The following ARMC2 variants were observed in gnomAD, a reference collection of about 807,000 sequenced individuals.
ARMC2 encodes armadillo repeat-containing protein 2.
ARMC2 carries 67 observed loss-of-function variants against 90.3 expected under a neutral mutation model. The observed-to-expected ratio is 0.74, with a 90% CI of 0.61 to 0.91. The LOEUF (loss-of-function observed/expected upper bound fraction) is 0.91. ARMC2 is among the 40% of genes least tolerant of loss of function. The pLI is 0.00. For missense variants in ARMC2, 920 were observed against 1,030.9 expected, an observed-to-expected ratio of 0.89 and a Z score of 1.47; for synonymous variants, 393 against 393.0, an observed-to-expected ratio of 1.00 and a Z score of 0.00.
the ARMC2 span, among the ~76,000 whole-genome samples, chr6:109,024,954 A>AGGTG: frequency 6.6e-6 from 1 of 152,196 alleles, no homozygotes; most frequent in African/African-American, 2.4e-5. Flanking sequence ...AAGTAACAGA[A>AGGTG]ATCCTCAGAA....
chr6:109,028,506 T>C, the ARMC2 span, among the ~76,000 whole-genome samples: 1 of 152,190 alleles, frequency 6.6e-6, no homozygotes, highest in Non-Finnish European at 1.5e-5. Context: ...GATGAGTTTC[T>C]ACTATATTAA....
At chr6:109,001,751 A>G in the ARMC2 span, among the ~76,000 whole-genome samples, 289 of 152,330 alleles carry the variant, frequency 1.9e-3, no homozygotes, top group African/African-American at 6.7e-3. Flanking sequence ...GAATCCAGAT[A>G]AAGAAGCAGA....
At chr6:108,932,749 C>T (rs1775674787) in intron 11 of ARMC2, among the ~76,000 whole-genome samples, 1 of 151,766 alleles carries the variant, frequency 6.6e-6, no homozygotes, top group African/African-American at 2.4e-5. Flanking sequence ...AGGATGGTCT[C>T]GATCTCCTGA....
At chr6:109,043,811 A>G in the ARMC2 span, among the ~76,000 whole-genome samples, 9 of 152,222 alleles carry the variant, frequency 5.9e-5, no homozygotes, top group African/African-American at 2.2e-4. Flanking sequence ...TAATCTTGGC[A>G]AGCTATTTTG....
Position 108,953,139 on chromosome 6 carries a change from C to T in ARMC2, c.1703C>T (p.Ser568Leu). ...KEKGSIQTLL[S>L]LFQTFHQLDL... The stretch of plus-strand genomic sequence containing the variant: ...AAAGGGAGCATCCAAACTCTGCTGT[C>T]ATTATTCCAGACGTTCCATCAGCTG... Residue 568 changes from serine to leucine, a missense_variant, in exon 13 of 18, where the codon TCA becomes TTA. Transcript: ENST00000392644. The T allele has an allele frequency of 6.2e-7, 1 of 1,614,058 alleles. No homozygotes were observed. The highest frequency in any genetic ancestry group is 8.5e-7 in the Non-Finnish European group (1 of 1,179,908).
the ARMC2 span, among the ~76,000 whole-genome samples, chr6:109,026,584 C>A: frequency 9.9e-5 from 15 of 152,180 alleles, no homozygotes; most frequent in South Asian, 3.1e-3. Context: ...GCAACCTTCT[C>A]CGCCTCCCAG....
intron 7 of ARMC2, among the ~76,000 whole-genome samples, chr6:108,903,771 C>T (rs1192907605): frequency 6.6e-6 from 1 of 152,116 alleles, no homozygotes; most frequent in Non-Finnish European, 1.5e-5. Context: ...GCAGCTACAA[C>T]ATAAACAGAG....
the ARMC2 span, chr6:109,000,553 A>G: frequency 1.2e-6 from 2 of 1,611,414 alleles, no homozygotes; most frequent in South Asian, 2.2e-5. Flanking sequence ...AGTTCTCCTA[A>G]ATTCTGTAGT....
chr6:109,039,433 T>C, the ARMC2 span, among the ~76,000 whole-genome samples: 3 of 152,366 alleles, frequency 2.0e-5, no homozygotes, highest in South Asian at 2.1e-4. Context: ...AGTATCATCA[T>C]TGTATTTCAC....
At chr6:108,955,804 G>A (rs1334141749) in intron 13 of ARMC2, among the ~76,000 whole-genome samples, 1 of 152,208 alleles carries the variant, frequency 6.6e-6, no homozygotes, top group Admixed American at 6.5e-5. Context: ...GCATGCCCAT[G>A]TCTGCTGAAG....
intron 10 of ARMC2, 145 bp downstream of exon 10, chr6:108,912,703 C>T: frequency 1.4e-6 from 1 of 700,854 alleles, no homozygotes; most frequent in South Asian, 1.9e-5. Flanking sequence ...AGCCCACCTC[C>T]ACCCCATGAG....
At chr6:108,879,112 T>TCATC (rs982015100) in intron 5 of ARMC2, among the ~76,000 whole-genome samples, 10 of 148,148 alleles carry the variant, frequency 6.8e-5, no homozygotes, top group South Asian at 4.4e-4. Context: ...ACCCATCCAT[T>TCATC]CATCCATCCA....
intron 4 of ARMC2, among the ~76,000 whole-genome samples, chr6:108,869,600 AGTT>A (rs1776185112): frequency 6.6e-6 from 1 of 152,248 alleles, no homozygotes; most frequent in African/African-American, 2.4e-5. Flanking sequence ...GAGTTCAAAA[AGTT>A]GTTAATTTTA....
chr6:109,009,469 G>A, the ARMC2 span: 4 of 1,268,502 alleles, frequency 3.2e-6, no homozygotes, highest in African/African-American at 4.7e-5. Flanking sequence ...ATGTCGGCGC[G>A]GGGACGGCTG....
chr6:108,890,016 G>A (rs1166453294), intron 5 of ARMC2, among the ~76,000 whole-genome samples: 3 of 148,574 alleles, frequency 2.0e-5, no homozygotes, highest in African/African-American at 5.0e-5. Flanking sequence ...GTGAAACCCC[G>A]TCTCTACTAA....
intron 10 of ARMC2, 88 bp downstream of exon 10, chr6:108,912,646 C>G (rs1462966347): frequency 3.3e-6 from 4 of 1,229,512 alleles, no homozygotes; most frequent in East Asian, 4.8e-5. Flanking sequence ...ATGCAAGAGG[C>G]CCCTACAGCC....
the ARMC2 span, among the ~76,000 whole-genome samples, chr6:109,040,626 G>C: frequency 6.7e-6 from 1 of 150,028 alleles, no homozygotes; most frequent in African/African-American, 2.5e-5. Context: ...CAAATGAACT[G>C]TTAAACATAT....
intron 8 of ARMC2, among the ~76,000 whole-genome samples, chr6:108,908,596 A>T (rs1773055439): frequency 1.3e-5 from 2 of 151,728 alleles, no homozygotes; most frequent in Non-Finnish European, 2.9e-5. Flanking sequence ...AATGTTGAAA[A>T]AATTAGCCAG....
the ARMC2 span, among the ~76,000 whole-genome samples, chr6:109,036,590 G>T: frequency 1.3e-5 from 2 of 152,174 alleles, no homozygotes; most frequent in African/African-American, 4.8e-5. Flanking sequence ...ACTGTGACAA[G>T]TAGTTCTTAA....
Sources: allele counts gnomAD v4.1 joint callset (sites outside exome capture counted in the v4.1 genomes callset), GRCh38; gene constraint gnomAD v4.1.1; transcripts MANE v1.5; gene names NCBI Gene and HGNC (gene_info 2026-07-23, HGNC 2026-07-21).